The following DPYD variants were observed in gnomAD, a reference collection of about 807,000 sequenced individuals.
DPYD encodes dihydropyrimidine dehydrogenase, also known as dihydropyrimidine dehydrogenase [NADP(+)].
DPYD carries 109 observed loss-of-function variants against 116.2 expected under a neutral mutation model. The observed-to-expected ratio is 0.94, with a 90% CI of 0.80 to 1.10. The LOEUF (loss-of-function observed/expected upper bound fraction) is 1.10, where lower values mean the gene tolerates loss of function less well. Among genes scored for constraint, DPYD ranks in the 50% least tolerant of loss-of-function variants. The probability of loss-of-function intolerance (pLI) is 0.00; values close to 1 mark genes in which losing one functional copy is unlikely to be tolerated. For missense variants in DPYD, 1,302 were observed against 1,254.5 expected (o/e 1.04, Z -0.57); for synonymous variants, 440 against 432.0 (o/e 1.02, Z -0.23).
At chr1:97,854,959 A>T (rs1211310886) in intron 2 of DPYD, 1 of 152,212 alleles carries the variant, frequency 6.6e-6, no homozygotes. Flanking sequence ...TATGGGTATG[A>T]CAAGACCTTG....
At chr1:97,700,649 T>A (rs2100975600) in intron 5 of DPYD, among the ~76,000 whole-genome samples, 1 of 152,102 alleles carries the variant, frequency 6.6e-6, no homozygotes, top group East Asian at 1.9e-4. Flanking sequence ...TTTTATAAAA[T>A]GCCTGGGTTT....
Position 97,699,435 on chromosome 1 carries a change from C to T in DPYD, c.596G>A (p.Ser199Asn), listed in dbSNP as rs776973423. 55 of 1,613,612 alleles carry T rather than the reference C, an allele frequency of 3.4e-5. No individual in the cohort carries two copies. The Middle Eastern group carries it at 4.9e-4, about 14-fold the overall frequency. ...AGCCAAAAAGGAAGCACAACTTATA[C>T]TTGCAGGCCCAGCACCAAAAAGAGC... ...KIALFGAGPA[S>N]ISCASFLARL... The change falls in exon 6 of 23, where the codon AGT (serine) becomes AAT (asparagine). Residue 199 changes from serine to asparagine, a missense_variant. Physicochemically the swap from Ser to Asn is conservative, Grantham distance 46. Coordinates refer to ENST00000370192, the MANE Select transcript of DPYD (RefSeq NM_000110.4).
chr1:97,714,206 C>T (rs182024988), intron 5 of DPYD, among the ~76,000 whole-genome samples: 23 of 151,734 alleles, frequency 1.5e-4, no homozygotes, highest in Admixed American at 1.1e-3. Flanking sequence ...GTCACATAGA[C>T]CCCCCCTTTT....
intron 8 of DPYD, among the ~76,000 whole-genome samples, chr1:97,633,002 CA>C (rs925404022): frequency 2.0e-5 from 3 of 151,594 alleles, no homozygotes; most frequent in Non-Finnish European, 4.4e-5. Context: ...AATCTTAGCA[CA>C]AAAAAAATGG....
intron 8 of DPYD, among the ~76,000 whole-genome samples, chr1:97,657,063 G>T (rs1295134630): frequency 6.6e-6 from 1 of 150,986 alleles, no homozygotes; most frequent in Non-Finnish European, 1.5e-5. Context: ...TATCTACCAG[G>T]TTCAAGCGAT....
intron 14 of DPYD, among the ~76,000 whole-genome samples, chr1:97,386,283 C>CTTT (rs34553460): frequency 2.0e-5 from 3 of 148,352 alleles, no homozygotes. Flanking sequence ...AAAGTTAAAA[C>CTTT]TTTTTTTTTT....
intron 20 of DPYD, among the ~76,000 whole-genome samples, chr1:97,099,040 T>A (rs1650474683): frequency 6.6e-6 from 1 of 152,136 alleles, no homozygotes; most frequent in African/African-American, 2.4e-5. Context: ...TTTAGCATGA[T>A]ATAGACACAG....
intron 20 of DPYD, among the ~76,000 whole-genome samples, chr1:97,155,434 C>A (rs1221732367): frequency 3.3e-5 from 5 of 152,122 alleles, no homozygotes; most frequent in Non-Finnish European, 4.4e-5. Flanking sequence ...AATTTTCACT[C>A]GAGTCATTAA....
chr1:97,888,356 T>G (rs951245193), intron 1 of DPYD, among the ~76,000 whole-genome samples: 7 of 151,918 alleles, frequency 4.6e-5, no homozygotes, highest in Non-Finnish European at 1.0e-4. Context: ...TAACAGAGCC[T>G]CAATGATATG....
chr1:97,090,813 C>A (rs1649850007), intron 21 of DPYD, among the ~76,000 whole-genome samples: 1 of 152,190 alleles, frequency 6.6e-6, no homozygotes, highest in African/African-American at 2.4e-5. Flanking sequence ...GTTAGCACTA[C>A]ATCTCCATCG....
At chr1:97,275,966 C>CTT (rs5776359) in intron 18 of DPYD, among the ~76,000 whole-genome samples, 1 of 151,688 alleles carries the variant, frequency 6.6e-6, no homozygotes, top group African/African-American at 2.4e-5. Flanking sequence ...CATTGGACCT[C>CTT]TTTTTTTTCT....
At chr1:97,694,301 G>A (rs558397549) in intron 6 of DPYD, among the ~76,000 whole-genome samples, 6 of 152,278 alleles carry the variant, frequency 3.9e-5, no homozygotes, top group East Asian at 1.9e-4. Context: ...AAAATGTGAC[G>A]TTTTTATATT....
At chr1:97,497,646 T>C (rs1455420707) in intron 13 of DPYD, among the ~76,000 whole-genome samples, 1 of 151,850 alleles carries the variant, frequency 6.6e-6, no homozygotes, top group Non-Finnish European at 1.5e-5. Context: ...ATACCCACTA[T>C]GAAGTTTATA....
At chr1:97,381,027 T>A (rs1315543227) in intron 15 of DPYD, among the ~76,000 whole-genome samples, 4 of 152,200 alleles carry the variant, frequency 2.6e-5, no homozygotes, top group African/African-American at 9.6e-5. Context: ...ATTTTTATTT[T>A]TTAATTGACA....
At chr1:97,611,377 G>A (rs1362861164) in intron 8 of DPYD, among the ~76,000 whole-genome samples, 1 of 151,970 alleles carries the variant, frequency 6.6e-6, no homozygotes, top group African/African-American at 2.4e-5. Context: ...GATGAGAGTT[G>A]GGTGGGGACA....
chr1:97,531,739 T>G (rs186045359), intron 12 of DPYD, among the ~76,000 whole-genome samples: 122 of 152,286 alleles, frequency 8.0e-4, no homozygotes, highest in African/African-American at 2.8e-3. Flanking sequence ...TTAACATTAG[T>G]TTTTCCAATC....
chr1:97,483,271 A>T (rs1208966106), intron 13 of DPYD, among the ~76,000 whole-genome samples: 1 of 152,172 alleles, frequency 6.6e-6, no homozygotes, highest in African/African-American at 2.4e-5. Context: ...GGTGCAGTCC[A>T]GTGTTCACTT....
At chr1:97,865,343 A>G (rs560738909) in intron 2 of DPYD, among the ~76,000 whole-genome samples, 40 of 151,966 alleles carry the variant, frequency 2.6e-4, no homozygotes, top group Non-Finnish European at 4.4e-4. Context: ...TTCTAAGATA[A>G]TATTTCTGAA....
chr1:97,231,887 A>C (rs547541306), intron 19 of DPYD, among the ~76,000 whole-genome samples: 1 of 152,072 alleles, frequency 6.6e-6, no homozygotes. Context: ...TCTGAAACCC[A>C]CTCATAACTC....
Sources: allele counts gnomAD v4.1 joint callset (sites outside exome capture counted in the v4.1 genomes callset), GRCh38; gene constraint gnomAD v4.1.1; transcripts MANE v1.5; gene names NCBI Gene and HGNC (gene_info 2026-07-23, HGNC 2026-07-21).